Variants in CNBD1 observed in about 807,000 individuals in gnomAD.
The protein encoded by CNBD1 is cyclic nucleotide-binding domain-containing protein 1.
A neutral mutation model predicts 54.4 loss-of-function variants in CNBD1; 71 were observed. The ratio of observed to expected loss-of-function variants is 1.30; its 90% confidence interval spans 1.08 to 1.59. CNBD1 has a LOEUF of 1.59. Ranked by LOEUF, CNBD1 falls within the 40% of genes most tolerant of loss-of-function variation. The pLI, the probability that CNBD1 is intolerant of heterozygous loss-of-function variation, is 0.00. For missense variants in CNBD1, 659 were observed against 518.0 expected, an observed-to-expected ratio of 1.27 and a Z score of -2.64; for synonymous variants, 182 against 170.7, an observed-to-expected ratio of 1.07 and a Z score of -0.51.
At position 87,414,840 on chromosome 8, in the gene CNBD1, G is replaced by A. The variant is rs546044102; in HGVS notation, c.214-13706G>A. Among the ~76,000 whole-genome samples, 208 of 152,066 alleles carry A rather than the reference G, an allele frequency of 1.4e-3. 1 individual carries two copies. Among genetic ancestry groups the A allele is most frequent in the African/African-American group, 4.5e-3 (187 of 41,506 alleles). On this transcript the variant is annotated intron_variant, in intron 2 of 7. Coordinates refer to the CNBD1 transcript ENST00000521593. The stretch of plus-strand genomic sequence containing the variant: ...TATTTTTTATGCTATTTTGCAAGCT[G>A]CTTGAGGTATGTTGTTTGAATGGAG...
intron 10 of CNBD1, among the ~76,000 whole-genome samples, chr8:87,375,381 A>G (rs1050257916): frequency 6.6e-6 from 1 of 151,864 alleles, no homozygotes; most frequent in African/African-American, 2.4e-5. Flanking sequence ...AGTTAGACAA[A>G]CCAATAATCA....
At chr8:87,409,013 C>A (rs2130983206) in intron 2 of CNBD1, among the ~76,000 whole-genome samples, 1 of 152,162 alleles carries the variant, frequency 6.6e-6, no homozygotes, top group Non-Finnish European at 1.5e-5. Context: ...ATACAGTGGC[C>A]TCTTAAGTTT....
At chr8:87,302,560 C>G (rs1407289153) in intron 8 of CNBD1, among the ~76,000 whole-genome samples, 1 of 151,928 alleles carries the variant, frequency 6.6e-6, no homozygotes, top group Non-Finnish European at 1.5e-5. Flanking sequence ...GAAGCATTCC[C>G]TTTGAAAACT....
chr8:87,179,458 A>G (rs539730585), intron 4 of CNBD1, among the ~76,000 whole-genome samples: 1 of 152,204 alleles, frequency 6.6e-6, no homozygotes, highest in African/African-American at 2.4e-5. Flanking sequence ...TAGATCTTCT[A>G]CTCAGTATAA....
intron 2 of CNBD1, among the ~76,000 whole-genome samples, chr8:87,387,907 C>T (rs1202325366): frequency 6.6e-6 from 1 of 152,178 alleles, no homozygotes; most frequent in Admixed American, 6.5e-5. Context: ...CAAACTGTCT[C>T]TCAGACCACA....
At chr8:87,046,792 C>T (rs1477196658) in intron 4 of CNBD1, among the ~76,000 whole-genome samples, 2 of 152,162 alleles carry the variant, frequency 1.3e-5, no homozygotes, top group African/African-American at 2.4e-5. Context: ...GATAATATGT[C>T]CTGACCAGTA....
chr8:87,209,105 TA>T (rs1253385362), intron 5 of CNBD1, among the ~76,000 whole-genome samples: 1 of 152,070 alleles, frequency 6.6e-6, no homozygotes, highest in African/African-American at 2.4e-5. Context: ...AGATTTAGTA[TA>T]AATCCAGTCT....
chr8:86,943,204 A>G (rs1005550722), intron 4 of CNBD1, among the ~76,000 whole-genome samples: 1 of 151,940 alleles, frequency 6.6e-6, no homozygotes, highest in Admixed American at 6.6e-5. Flanking sequence ...AACCTGGTGA[A>G]ACTCCATCTC....
intron 4 of CNBD1, among the ~76,000 whole-genome samples, chr8:87,130,138 A>G (rs1164899162): frequency 6.6e-6 from 1 of 151,436 alleles, no homozygotes; most frequent in African/African-American, 2.5e-5. Flanking sequence ...ATGGGAATTC[A>G]AGATGAGATT....
At chr8:87,098,285 A>T (rs1254760207) in intron 4 of CNBD1, among the ~76,000 whole-genome samples, 2 of 152,232 alleles carry the variant, frequency 1.3e-5, no homozygotes, top group Non-Finnish European at 2.9e-5. Flanking sequence ...AACAAATATT[A>T]CTAGACTACT....
intron 4 of CNBD1, among the ~76,000 whole-genome samples, chr8:87,194,664 G>A (rs529414656): frequency 1.3e-5 from 2 of 152,162 alleles, no homozygotes; most frequent in Non-Finnish European, 2.9e-5. Context: ...GTTAATATGT[G>A]TATCTTTCTA....
At chr8:87,043,939 T>A (rs918390057) in intron 4 of CNBD1, among the ~76,000 whole-genome samples, 2 of 152,252 alleles carry the variant, frequency 1.3e-5, no homozygotes, top group Admixed American at 6.5e-5. Flanking sequence ...CCTTCCTCTC[T>A]GTGATATTTT....
chr8:86,917,095 C>T (rs1008333044), intron 3 of CNBD1, among the ~76,000 whole-genome samples: 8 of 151,812 alleles, frequency 5.3e-5, no homozygotes, highest in Non-Finnish European at 1.0e-4. Flanking sequence ...TGGTCTTGGT[C>T]TCTTGACATT....
chr8:86,908,921 C>A (rs191550311), intron 3 of CNBD1, among the ~76,000 whole-genome samples: 61 of 152,118 alleles, frequency 4.0e-4, no homozygotes, highest in Admixed American at 1.1e-3. Context: ...CTACGCCCAG[C>A]TAATTTTTGT....
At chr8:86,896,363 T>C (rs922726488) in intron 2 of CNBD1, among the ~76,000 whole-genome samples, 1 of 152,174 alleles carries the variant, frequency 6.6e-6, no homozygotes, top group Non-Finnish European at 1.5e-5. Flanking sequence ...AAAGATTGCA[T>C]TGAATCTGTA....
At chr8:87,241,466 G>T (rs987359172) in intron 6 of CNBD1, among the ~76,000 whole-genome samples, 2 of 151,850 alleles carry the variant, frequency 1.3e-5, no homozygotes, top group African/African-American at 4.8e-5. Flanking sequence ...TAGAGACGGG[G>T]TTTCACCGTG....
chr8:87,147,427 T>G (rs1812512843), intron 4 of CNBD1, among the ~76,000 whole-genome samples: 2 of 152,064 alleles, frequency 1.3e-5, no homozygotes, highest in South Asian at 4.1e-4. Flanking sequence ...AATTAATACT[T>G]TATTTTTTTT....
chr8:87,306,142 A>C (rs528594316), intron 8 of CNBD1, among the ~76,000 whole-genome samples: 1 of 152,228 alleles, frequency 6.6e-6, no homozygotes, highest in Non-Finnish European at 1.5e-5. Flanking sequence ...TCCAACAAAC[A>C]TATGAAAAGA....
At chr8:87,040,118 A>G (rs1229782012) in intron 4 of CNBD1, among the ~76,000 whole-genome samples, 4 of 152,236 alleles carry the variant, frequency 2.6e-5, no homozygotes, top group Non-Finnish European at 4.4e-5. Flanking sequence ...CTCCTAAACC[A>G]TAATCTCTAA....
Sources: allele counts gnomAD v4.1 joint callset (sites outside exome capture counted in the v4.1 genomes callset), GRCh38; gene constraint gnomAD v4.1.1; transcripts MANE v1.5; gene names NCBI Gene and HGNC (gene_info 2026-07-23, HGNC 2026-07-21).